Variants in CLEC20A observed in about 807,000 individuals in gnomAD.
CLEC20A encodes C-type lectin domain containing 20A, also known as putative C-type lectin domain family 20 member A.
intron 7 of CLEC20A, chr1:178,479,899 TG>T: frequency 3.5e-5 from 8 of 229,314 alleles, no homozygotes; most frequent in Non-Finnish European, 5.0e-5. Context: ...ACTGGAGAGT[TG>T]TTTAAAAAAA....
chr1:178,483,034 C>T (rs1649031811), intron 6 of CLEC20A, 141 bp downstream of exon 6: 1 of 395,186 alleles, frequency 2.5e-6, no homozygotes, highest in Non-Finnish European at 4.5e-6. Context: ...CTAGAATCCA[C>T]CTCTTTATTA....
exon 3 of CLEC20A, chr1:178,492,520 C>T (rs1649288880): frequency 5.0e-6 from 2 of 398,310 alleles, no homozygotes. Context: ...GAGAGGTGGT[C>T]AGGCTGAGAG....
intron 3 of CLEC20A, among the ~76,000 whole-genome samples, chr1:178,491,281 G>A (rs1240706741): frequency 6.6e-6 from 1 of 152,182 alleles, no homozygotes; most frequent in Non-Finnish European, 1.5e-5. Context: ...CTTGACCTGA[G>A]GCATTGATTC....
At chr1:178,491,788 C>G (rs1283917776) in intron 3 of CLEC20A, among the ~76,000 whole-genome samples, 1 of 152,180 alleles carries the variant, frequency 6.6e-6, no homozygotes, top group Non-Finnish European at 1.5e-5. Flanking sequence ...GACACCAATG[C>G]AGTAATACCA....
intron 6 of CLEC20A, chr1:178,482,714 C>G: frequency 4.2e-6 from 1 of 235,642 alleles, no homozygotes. Context: ...ATACTCCACA[C>G]CATGCCGGAA....
chr1:178,495,064 A>T (rs1649354363), intron 1 of CLEC20A, among the ~76,000 whole-genome samples: 1 of 152,110 alleles, frequency 6.6e-6, no homozygotes, highest in African/African-American at 2.4e-5. Flanking sequence ...TCATCTCCCC[A>T]GTCCCTTTGC....
chr1:178,487,586 G>A (rs1409983870), intron 5 of CLEC20A, among the ~76,000 whole-genome samples: 1 of 152,196 alleles, frequency 6.6e-6, no homozygotes, highest in Non-Finnish European at 1.5e-5. Flanking sequence ...TTACAGGGGG[G>A]GATGCTCCCC....
Position 178,492,595 on chromosome 1 carries a change from T to C in CLEC20A, c.398-29A>G, listed in dbSNP as rs111544504. The stretch of plus-strand genomic sequence containing the variant: ...TAAAACAGAAACAGACCACGAGTTA[T>C]GGGGAGGCCCAGGATCCTCTGCAGG... On this transcript the variant is annotated intron_variant, in intron 2 of 7. Transcript: ENST00000623247. The C allele has an allele frequency of 2.8e-3, 1,130 of 398,578 alleles. 10 individuals carry two copies. The highest frequency in any genetic ancestry group is 0.02 in the African/African-American group (971 of 48,720). 24.7% of individuals were successfully genotyped at this position (398,578 alleles called of 1,614,324 possible). A position where few individuals can be genotyped will look rare whatever the true frequency, so the allele number is the denominator to read the frequency against.
chr1:178,485,484 C>G (rs1468880273), intron 5 of CLEC20A, among the ~76,000 whole-genome samples: 3 of 152,214 alleles, frequency 2.0e-5, no homozygotes, highest in Non-Finnish European at 4.4e-5. Flanking sequence ...GAAGAACTTT[C>G]TGTACTTTTC....
rs995936039 is a variant in CLEC20A at position 178,485,831 on chromosome 1, A to G, written c.929-2549T>C. Among the ~76,000 whole-genome samples the G allele has an allele frequency of 4.6e-5, 7 of 152,352 alleles. No homozygotes were observed. The East Asian group carries it at 9.6e-4, about 21-fold the overall frequency. ...AGCCCCTGCCCTGTGAGATTCTGCA[A>G]TCTCAATAATTCATAATTGTAATCA... On this transcript the variant is annotated intron_variant, in intron 5 of 7. Coordinates refer to ENST00000623247, the Ensembl canonical transcript of CLEC20A.
chr1:178,482,033 G>C (rs1009253618), intron 7 of CLEC20A: 3 of 272,174 alleles, frequency 1.1e-5, no homozygotes, highest in Admixed American at 5.3e-5. Flanking sequence ...TAAGACCCAC[G>C]CTCAGATCCC....
At chr1:178,495,003 C>T (rs941550608) in intron 1 of CLEC20A, among the ~76,000 whole-genome samples, 193 bp from the exon 2 acceptor site, 2 of 152,180 alleles carry the variant, frequency 1.3e-5, no homozygotes, top group Non-Finnish European at 2.9e-5. Context: ...CTTGAAGAGC[C>T]GGCCACCTCC....
intron 5 of CLEC20A, among the ~76,000 whole-genome samples, chr1:178,485,423 C>A (rs907353492): frequency 2.0e-5 from 3 of 152,226 alleles, no homozygotes; most frequent in Admixed American, 1.3e-4. Context: ...CATTCCCAAG[C>A]AAACCATACA....
chr1:178,495,196 C>CTT lies in CLEC20A; in HGVS notation c.41-387_41-386insAA, dbSNP rs1558030182. Among the ~76,000 whole-genome samples, 132 of 152,334 alleles carry CTT rather than the reference C, an allele frequency of 8.7e-4. 1 individual carries two copies. The highest frequency in any genetic ancestry group is 3.0e-3 in the African/African-American group (123 of 41,570). ...CAATAGACAATGCTTGCTGAGCACC[C>CTT]GCCATGTGCCATCAGCTCAAGGAAT... On this transcript the variant is annotated intron_variant, in intron 1 of 7. Coordinates refer to ENST00000623247, the Ensembl canonical transcript of CLEC20A.
At chr1:178,481,134 CA>C (rs1478521121) in intron 7 of CLEC20A, 1 of 152,130 alleles carries the variant, frequency 6.6e-6, no homozygotes, top group Non-Finnish European at 1.5e-5. Context: ...GTGAATTTTC[CA>C]AAATCATGAG....
At chr1:178,497,467 C>T (rs1044961324), upstream of CLEC20A, among the ~76,000 whole-genome samples, 1 of 152,214 alleles carries the variant, frequency 6.6e-6, no homozygotes, top group South Asian at 2.1e-4. Context: ...CCCTGCTCCA[C>T]GCCCAGAAGG....
intron 5 of CLEC20A, chr1:178,486,488 G>A (rs991199802): frequency 4.3e-5 from 17 of 398,734 alleles, no homozygotes; most frequent in African/African-American, 3.5e-4. Flanking sequence ...TCTTGGCTCA[G>A]GGCTGCAGAG....
downstream of CLEC20A, chr1:178,479,019 T>G (rs1648866447): frequency 6.6e-6 from 1 of 152,218 alleles, no homozygotes; most frequent in African/African-American, 2.4e-5. Flanking sequence ...CCAACTTCCA[T>G]GTAATAAGAT....
At chr1:178,491,697 C>T (rs1649269406) in intron 3 of CLEC20A, among the ~76,000 whole-genome samples, 1 of 152,180 alleles carries the variant, frequency 6.6e-6, no homozygotes, top group African/African-American at 2.4e-5. Flanking sequence ...GCAGAAAACC[C>T]ACTCTACAGA....
Sources: allele counts gnomAD v4.1 joint callset (sites outside exome capture counted in the v4.1 genomes callset), GRCh38; gene constraint gnomAD v4.1.1; transcripts MANE v1.5; gene names NCBI Gene and HGNC (gene_info 2026-07-23, HGNC 2026-07-21).